The following MCM6 variants were observed in gnomAD, a reference collection of about 807,000 sequenced individuals.
MCM6 encodes the protein DNA replication licensing factor MCM6.
A neutral mutation model predicts 94.3 loss-of-function variants in MCM6; 46 were observed. The observed-to-expected ratio is 0.49, with a 90% CI of 0.39 to 0.62. The LOEUF is 0.62. MCM6 is among the 20% of genes least tolerant of loss of function. The pLI, the probability that MCM6 is intolerant of heterozygous loss-of-function variation, is 0.00. For synonymous variants in MCM6, 335 were observed against 351.9 expected (o/e 0.95, Z 0.54); for missense variants, 865 against 1,017.9 (o/e 0.85, Z 2.04).
chr2:135,862,396 G>C (rs1212353358), intron 8 of MCM6, among the ~76,000 whole-genome samples: 1 of 151,774 alleles, frequency 6.6e-6, no homozygotes, highest in African/African-American at 2.4e-5. Context: ...AGACTAAACA[G>C]TTCAATGTGA....
At chr2:135,842,332 A>G (rs745651344) in intron 16 of MCM6, among the ~76,000 whole-genome samples, 1 of 152,168 alleles carries the variant, frequency 6.6e-6, no homozygotes, top group Non-Finnish European at 1.5e-5. Context: ...AGACTGATCT[A>G]CCTTCACAGG....
rs867494499 is a variant in MCM6 at position 135,866,174 on chromosome 2, C to A, written c.885G>T (p.Arg295Ser). ...RALGVRDLSYRLVFLACCVAP... is the reference protein window; with the variant it reads ...RALGVRDLSYSLVFLACCVAP... ...CAACACAGCAGGCAAGAAAGACCAG[C>A]CTATAAGAAAGGTCCCTAACACCAA... is the stretch of plus-strand genomic sequence containing the variant. Residue 295 changes from arginine to serine, a missense_variant, in exon 6 of 17, where the codon AGG becomes AGT. This residue lies in a region of MCM6 where 404 missense variants were observed against 451.9 expected (regional missense o/e 0.89). Coordinates refer to ENST00000264156, the MANE Select transcript of MCM6 (RefSeq NM_005915.6). 2 of 1,613,998 alleles carry A rather than the reference C, an allele frequency of 1.2e-6. No homozygotes were observed. Among genetic ancestry groups the A allele is most frequent in the African/African-American group, 2.7e-5 (2 of 74,898 alleles).
chr2:135,865,358 T>C (rs1680072237), intron 6 of MCM6, among the ~76,000 whole-genome samples, 195 bp from the exon 7 acceptor site: 1 of 152,204 alleles, frequency 6.6e-6, no homozygotes, highest in Non-Finnish European at 1.5e-5. Flanking sequence ...GGGTATGTCA[T>C]TTGTCCAGTG....
intron 10 of MCM6, among the ~76,000 whole-genome samples, chr2:135,857,132 C>A (rs1401131618): frequency 4.6e-5 from 7 of 152,156 alleles, no homozygotes; most frequent in Non-Finnish European, 8.8e-5. Context: ...ATGCTTACTA[C>A]AATTTTGTTT....
chr2:135,871,233 C>A (rs1459919732), intron 2 of MCM6, among the ~76,000 whole-genome samples: 4 of 152,136 alleles, frequency 2.6e-5, no homozygotes, highest in Non-Finnish European at 5.9e-5. Context: ...CTAAAAAAGG[C>A]GCTACTCTCA....
At chr2:135,856,249 C>T (rs1180170464) in intron 11 of MCM6, among the ~76,000 whole-genome samples, 1 of 152,042 alleles carries the variant, frequency 6.6e-6, no homozygotes, top group Non-Finnish European at 1.5e-5. Flanking sequence ...TCAAGACCAG[C>T]CTGACCAACA....
chr2:135,839,908 T>C lies in MCM6; in HGVS notation c.*927A>G, dbSNP rs1679537588. 6.6e-6 allele frequency: 1 copy of C among 152,202 alleles called. No individual in the cohort carries two copies. The highest frequency in any genetic ancestry group is 1.5e-5 in the Non-Finnish European group (1 of 68,038). The allele number at this position is 152,202 out of a possible 1,614,324, so 9.4% of individuals were successfully genotyped here. On this transcript the variant is annotated 3_prime_UTR_variant, in exon 17 of 17. Coordinates refer to ENST00000264156, the MANE Select transcript of MCM6 (RefSeq NM_005915.6). ...CGTGGGCCTTAGCCTCAGACAGTTATTTTGCTTTTGTGACCTTTAACATAC... is the reference window on the plus strand; with the variant it reads ...CGTGGGCCTTAGCCTCAGACAGTTACTTTGCTTTTGTGACCTTTAACATAC...
At chr2:135,848,947 A>C (rs1273367035) in intron 13 of MCM6, among the ~76,000 whole-genome samples, 1 of 152,202 alleles carries the variant, frequency 6.6e-6, no homozygotes, top group Non-Finnish European at 1.5e-5. Context: ...AAATGGAAAA[A>C]AAGGCTACTC....
intron 16 of MCM6, among the ~76,000 whole-genome samples, chr2:135,843,717 C>T (rs1156931667): frequency 8.1e-6 from 1 of 123,322 alleles, no homozygotes; most frequent in Non-Finnish European, 1.6e-5. Context: ...GCAACAAGAG[C>T]GAAACTCTGT....
At chr2:135,872,363 G>C (rs1341310363) in intron 2 of MCM6, among the ~76,000 whole-genome samples, 1 of 152,124 alleles carries the variant, frequency 6.6e-6, no homozygotes, top group Admixed American at 6.5e-5. Context: ...CAGAAGAATC[G>C]CTTGAACCCG....
Position 135,876,430 on chromosome 2 carries a change from C to A in MCM6, c.-65G>T, listed in dbSNP as rs1575370859. 5 of 1,396,824 alleles carry A rather than the reference C, an allele frequency of 3.6e-6. No homozygotes were observed. Among genetic ancestry groups the A allele is most frequent in the South Asian group, 2.6e-5 (2 of 77,154 alleles). The allele number at this position is 1,396,824 out of a possible 1,614,324, so 86.5% of individuals were successfully genotyped here. Reference sequence around the variant, plus strand: ...CCGCCACAAGTCGCTTTTTTCCAGACGCTGCAGCTTTGCGCGCGCCGCCGC... The same window carrying A: ...CCGCCACAAGTCGCTTTTTTCCAGAAGCTGCAGCTTTGCGCGCGCCGCCGC... On this transcript the variant is annotated 5_prime_UTR_variant, in exon 1 of 17. Coordinates refer to ENST00000264156, the MANE Select transcript of MCM6 (RefSeq NM_005915.6).
chr2:135,872,904 T>C, intron 1 of MCM6, 61 bp from the exon 2 acceptor site: 2 of 1,582,928 alleles, frequency 1.3e-6, no homozygotes, highest in Non-Finnish European at 1.7e-6. Context: ...ACCTGAATGA[T>C]AATTCAGAAC....
In MCM6 at chr2:135,840,211, C is replaced by T. The variant is rs1419000725; in HGVS notation, c.*624G>A. 7.6e-6 allele frequency: 1 copy of T among 131,062 alleles called. No homozygotes were observed. The highest frequency in any genetic ancestry group is 3.2e-5 in the African/African-American group (1 of 30,874). The allele number at this position is 131,062 out of a possible 1,614,324, so 8.1% of individuals were successfully genotyped here. On this transcript the variant is annotated 3_prime_UTR_variant, in exon 17 of 17. Transcript: ENST00000264156. ...AGTAATTTTAAAAAAGTATAATAAA[C>T]TTTTATAAACTTAAAAAAAAAAAAA...
chr2:135,875,138 G>T (rs1680271959), intron 1 of MCM6, among the ~76,000 whole-genome samples: 1 of 152,190 alleles, frequency 6.6e-6, no homozygotes, highest in African/African-American at 2.4e-5. Context: ...AGCCCAGGCG[G>T]GGGGATCACC....
chr2:135,869,893 A>T (rs1053551253), intron 3 of MCM6, among the ~76,000 whole-genome samples: 34 of 152,232 alleles, frequency 2.2e-4, no homozygotes, highest in African/African-American at 8.0e-4. Flanking sequence ...ATAAGTGGGT[A>T]TAACTCCTAC....
intron 16 of MCM6, among the ~76,000 whole-genome samples, chr2:135,842,544 A>G (rs1424387916): frequency 2.0e-5 from 3 of 152,216 alleles, no homozygotes; most frequent in Non-Finnish European, 2.9e-5. Context: ...CTTATATTCC[A>G]TAAGAGAGAC....
At chr2:135,872,900 A>G in intron 1 of MCM6, 57 bp from the exon 2 acceptor site, 1 of 1,586,762 alleles carries the variant, frequency 6.3e-7, no homozygotes, top group Non-Finnish European at 8.6e-7. Flanking sequence ...AAGAACCTGA[A>G]TGATAATTCA....
At chr2:135,842,854 GTTACACTGTATAA>G (rs1268159741) in intron 16 of MCM6, among the ~76,000 whole-genome samples, 1 of 152,072 alleles carries the variant, frequency 6.6e-6, no homozygotes. Context: ...GGGGACAGGG[GTTACACTGTATAA>G]TAGTTCTGCA....
At chr2:135,876,183 C>G in intron 1 of MCM6, 76 bp downstream of exon 1, 1 of 1,175,056 alleles carries the variant, frequency 8.5e-7, no homozygotes, top group Non-Finnish European at 1.1e-6. Flanking sequence ...GAACACCCGC[C>G]GCCCACACGG....
Sources: allele counts gnomAD v4.1 joint callset (sites outside exome capture counted in the v4.1 genomes callset), GRCh38; gene constraint gnomAD v4.1.1; regional missense constraint gnomAD v4.1.1; transcripts MANE v1.5; gene names NCBI Gene and HGNC (gene_info 2026-07-23, HGNC 2026-07-21).